The following SPATS2L variants were observed in gnomAD, a reference collection of about 807,000 sequenced individuals.
SPATS2L encodes SPATS2-like protein.
Under a neutral mutation model 59.6 loss-of-function variants are expected in SPATS2L, and 30 were observed. The observed-to-expected ratio is 0.50, with a 90% confidence interval of 0.38 to 0.68. SPATS2L has a LOEUF of 0.68. Ranked by LOEUF, SPATS2L falls within the 30% of genes least tolerant of loss-of-function variation. The pLI is 0.00. For synonymous variants in SPATS2L, 252 were observed against 263.5 expected (o/e 0.96, Z 0.42); for missense variants, 615 against 700.0 (o/e 0.88, Z 1.37).
At chr2:200,329,371 T>C in intron 1 of SPATS2L, 60 bp from the exon 2 acceptor site, 1 of 1,356,882 alleles carries the variant, frequency 7.4e-7, no homozygotes, top group Non-Finnish European at 1.0e-6. Flanking sequence ...TGATGGGAAA[T>C]GGGTGGTGTG....
intron 10 of SPATS2L, among the ~76,000 whole-genome samples, chr2:200,468,378 A>ACACACACACACACACACACG (rs1187268085): frequency 6.6e-6 from 1 of 151,400 alleles, no homozygotes; most frequent in East Asian, 1.9e-4. Context: ...ACACACACAC[A>ACACACACACACACACACACG]CGCCTTCCAG....
At chr2:200,326,901 AT>A (rs755351538) in intron 1 of SPATS2L, among the ~76,000 whole-genome samples, 4,320 of 98,998 alleles carry the variant, frequency 0.044, 84 homozygotes, top group Middle Eastern at 0.11. Context: ...TGCCCGGCTA[AT>A]TTTTTTTTTT....
At chr2:200,355,516 CA>C (rs1024309653) in intron 2 of SPATS2L, among the ~76,000 whole-genome samples, 10 of 152,220 alleles carry the variant, frequency 6.6e-5, no homozygotes, top group African/African-American at 2.4e-4. Context: ...ATCTCATATG[CA>C]TTTAGTGATT....
At chr2:200,370,160 G>A (rs1393723168) in intron 2 of SPATS2L, among the ~76,000 whole-genome samples, 3 of 152,198 alleles carry the variant, frequency 2.0e-5, no homozygotes, top group Non-Finnish European at 2.9e-5. Flanking sequence ...GAAGCTTGGT[G>A]ATTGACAAAA....
intron 2 of SPATS2L, among the ~76,000 whole-genome samples, chr2:200,343,545 G>T (rs908956703): frequency 6.6e-6 from 1 of 152,056 alleles, no homozygotes; most frequent in Non-Finnish European, 1.5e-5. Flanking sequence ...CACTATGTTT[G>T]TTTTTAATCC....
intron 12 of SPATS2L, 84 bp from the exon 13 acceptor site, chr2:200,477,551 CT>C: frequency 1.9e-6 from 1 of 527,576 alleles, no homozygotes; most frequent in Non-Finnish European, 2.8e-6. Context: ...TTACCTGTGG[CT>C]TAGAGATTTG....
chr2:200,453,315 C>T (rs1004661891), intron 8 of SPATS2L, among the ~76,000 whole-genome samples: 12 of 152,318 alleles, frequency 7.9e-5, no homozygotes, highest in Admixed American at 3.3e-4. Context: ...GCCTCCTGAC[C>T]CTGGGAATAA....
intron 4 of SPATS2L, 87 bp downstream of exon 4, chr2:200,412,506 C>A (rs937221162): frequency 1.5e-6 from 1 of 662,494 alleles, no homozygotes. Context: ...AACTGAATAT[C>A]AATTCATTAT....
chr2:200,357,840 A>G (rs950607017), intron 2 of SPATS2L, among the ~76,000 whole-genome samples: 2 of 152,192 alleles, frequency 1.3e-5, no homozygotes, highest in Non-Finnish European at 2.9e-5. Context: ...CGAGCAATAC[A>G]TGTCTCAAAG....
intron 2 of SPATS2L, among the ~76,000 whole-genome samples, chr2:200,358,758 C>T (rs1485342842): frequency 6.6e-6 from 1 of 152,048 alleles, no homozygotes; most frequent in African/African-American, 2.4e-5. Flanking sequence ...GAGGTCAAGG[C>T]AGGAGGATCA....
At chr2:200,384,781 G>A (rs1001160782) in intron 2 of SPATS2L, among the ~76,000 whole-genome samples, 1 of 152,030 alleles carries the variant, frequency 6.6e-6, no homozygotes, top group African/African-American at 2.4e-5. Context: ...TTTTTCTTTA[G>A]GACATATGTA....
At chr2:200,402,761 TTTCAAC>T (rs1559101063) in intron 3 of SPATS2L, among the ~76,000 whole-genome samples, 1 of 152,214 alleles carries the variant, frequency 6.6e-6, no homozygotes, top group Non-Finnish European at 1.5e-5. Context: ...AAAAGATTAA[TTTCAAC>T]TTTGAGGGAA....
intron 1 of SPATS2L, among the ~76,000 whole-genome samples, chr2:200,322,428 A>C (rs1031170814): frequency 6.6e-6 from 1 of 152,118 alleles, no homozygotes; most frequent in African/African-American, 2.4e-5. Flanking sequence ...GGTTGAATGT[A>C]AAAAAATACC....
intron 1 of SPATS2L, among the ~76,000 whole-genome samples, chr2:200,323,791 T>C (rs1286440499): frequency 6.6e-6 from 1 of 152,258 alleles, no homozygotes; most frequent in Admixed American, 6.5e-5. Context: ...ATGTGTATTT[T>C]ACTCTTCAAT....
rs879549973 is a variant in SPATS2L, at chr2:200,353,674, T to TA, written c.-23+24206dup. On this transcript the variant is annotated intron_variant, in intron 2 of 12. Transcript: ENST00000409140. ...AATCTGACTTAGTTTAGCTTATCCCTAAAAAAAAAAAATTCTGAAGGTATT... is the reference window on the plus strand; with the variant it reads ...AATCTGACTTAGTTTAGCTTATCCCTAAAAAAAAAAAAATTCTGAAGGTATT... 6.8e-4 allele frequency among the ~76,000 whole-genome samples: 99 copies of TA among 145,704 alleles called. No homozygotes were observed. The East Asian group carries it at 8.7e-3, about 13-fold the overall frequency.
At chr2:200,402,934 A>G (rs910195743) in intron 3 of SPATS2L, among the ~76,000 whole-genome samples, 1 of 152,240 alleles carries the variant, frequency 6.6e-6, no homozygotes, top group Non-Finnish European at 1.5e-5. Context: ...GGCAAAATGC[A>G]AGGTTCTAAA....
chr2:200,433,013 G>A (rs984369788), intron 6 of SPATS2L, among the ~76,000 whole-genome samples: 1 of 152,140 alleles, frequency 6.6e-6, no homozygotes, highest in African/African-American at 2.4e-5. Context: ...AATTTGGCAG[G>A]GAGAAGGAGG....
At chr2:200,389,643 C>G (rs568617382) in intron 3 of SPATS2L, 1 of 186,842 alleles carries the variant, frequency 5.4e-6, no homozygotes, top group Admixed American at 5.6e-5. Context: ...GCCATTCCAC[C>G]GTTCATACTC....
In SPATS2L at chr2:200,479,465, AT is replaced by A. The variant is rs2087728311; in HGVS notation, c.*1437del. On this transcript the variant is annotated 3_prime_UTR_variant, in exon 13 of 13. Transcript: ENST00000409140. ...GGAGAGAAGTGAATGGGATGAACTAATTTGCATAGACTAATTAGAGCCCACC... is the reference window on the plus strand; with the variant it reads ...GGAGAGAAGTGAATGGGATGAACTAATTGCATAGACTAATTAGAGCCCACC... The A allele has an allele frequency of 2.5e-6, 1 of 398,054 alleles. No individual in the cohort carries two copies. The highest frequency in any genetic ancestry group is 4.4e-6 in the Non-Finnish European group (1 of 226,048). 24.7% of individuals were successfully genotyped at this position (398,054 alleles called of 1,614,324 possible). A position where few individuals can be genotyped will look rare whatever the true frequency, so the allele number is the denominator to read the frequency against.
Sources: gnomAD v4.1 joint callset for allele counts (sites outside exome capture counted in the v4.1 genomes callset) on GRCh38, gnomAD v4.1.1 for gene constraint, MANE v1.5 for transcripts, NCBI Gene and HGNC (gene_info 2026-07-23, HGNC 2026-07-21) for gene names.